Variants in ANAPC16 observed in about 807,000 individuals in gnomAD.
The protein encoded by ANAPC16 is anaphase promoting complex subunit 16.
In ANAPC16, 6 loss-of-function variants were observed where a neutral mutation model predicts 13.1. The observed-to-expected ratio is 0.46, with a 90% CI of 0.25 to 0.90. ANAPC16 has a LOEUF of 0.90. ANAPC16 is among the 40% of genes least tolerant of loss of function. ANAPC16 has a pLI of 0.18. For missense variants in ANAPC16, 113 were observed against 131.1 expected (o/e 0.86, Z 0.67); for synonymous variants, 55 against 51.3 (o/e 1.07, Z -0.31).
chr10:72,217,854 A>G (rs536033181), intron 1 of ANAPC16, among the ~76,000 whole-genome samples: 1 of 151,958 alleles, frequency 6.6e-6, no homozygotes, highest in Non-Finnish European at 1.5e-5. Flanking sequence ...GAGCACTGAC[A>G]GGATGGTCAA....
chr10:72,232,186 CAAAAAAAAA>C lies in ANAPC16; in HGVS notation c.218-796_218-788del, dbSNP rs1194817055. Among the ~76,000 whole-genome samples the C allele has an allele frequency of 2.1e-3, 93 of 43,920 alleles. 1 individual carries two copies. Among genetic ancestry groups the C allele is most frequent in the African/African-American group, 4.8e-3 (87 of 17,948 alleles). The allele number at this position is 43,920 out of a possible 152,430, so 28.8% of individuals were successfully genotyped here. ...GGGCAATAAGGGTGAAACTCTGTCT[CAAAAAAAAA>C]AAAAAAAAAAAAAAAAAATTAAGCT... On this transcript the variant is annotated intron_variant, in intron 3 of 3. Coordinates refer to ENST00000299381, the MANE Select transcript of ANAPC16 (RefSeq NM_173473.4).
intron 1 of ANAPC16, among the ~76,000 whole-genome samples, chr10:72,222,780 A>T (rs1293120161): frequency 6.6e-6 from 1 of 152,256 alleles, no homozygotes; most frequent in Non-Finnish European, 1.5e-5. Flanking sequence ...TCCGTCTCAA[A>T]AAATTAAAAA....
chr10:72,231,180 C>T (rs1860288803), intron 3 of ANAPC16, among the ~76,000 whole-genome samples: 1 of 152,192 alleles, frequency 6.6e-6, no homozygotes, highest in South Asian at 2.1e-4. Context: ...GTAATTGCCT[C>T]TAACCCTAGG....
At chr10:72,217,010 C>A (rs1564786605) in intron 1 of ANAPC16, 2 of 454,764 alleles carry the variant, frequency 4.4e-6, no homozygotes, top group South Asian at 3.1e-5. Flanking sequence ...CCTGCATGAC[C>A]TTTGCTGAGC....
At chr10:72,218,766 TAAATCTTTAGAGCTAG>T (rs1241452803) in intron 1 of ANAPC16, among the ~76,000 whole-genome samples, 1 of 152,218 alleles carries the variant, frequency 6.6e-6, no homozygotes, top group Non-Finnish European at 1.5e-5. Flanking sequence ...AAATTTAACC[TAAATCTTTAGAGCTAG>T]AAATTACTTA....
At chr10:72,218,028 T>G (rs1859634538) in intron 1 of ANAPC16, among the ~76,000 whole-genome samples, 2 of 150,694 alleles carry the variant, frequency 1.3e-5, no homozygotes, top group Non-Finnish European at 2.9e-5. Context: ...CTGTTTCCCA[T>G]TTTGCAGATA....
chr10:72,220,325 C>CAAAAAAGAAAA (rs1859861262), intron 1 of ANAPC16: 1 of 63,716 alleles, frequency 1.6e-5, no homozygotes, highest in African/African-American at 5.4e-5. Context: ...AACTCCGTCT[C>CAAAAAAGAAAA]AAAAAAAAAA....
Position 72,233,159 on chromosome 10 carries a change from C to A in ANAPC16, c.*43C>A. On this transcript the variant is annotated 3_prime_UTR_variant, in exon 4 of 4. Coordinates refer to ENST00000299381, the MANE Select transcript of ANAPC16 (RefSeq NM_173473.4). The stretch of plus-strand genomic sequence containing the variant: ...CCTCTGGTGCGCAGCAAGTGCAAAG[C>A]CAGTGGGGGACTTTCTCACAGCTTA... 1 of 1,509,788 alleles carries A rather than the reference C, an allele frequency of 6.6e-7. No individual in the cohort carries two copies. Among genetic ancestry groups the A allele is most frequent in the Non-Finnish European group, 9.2e-7 (1 of 1,088,248 alleles). The allele number at this position is 1,509,788 out of a possible 1,614,324, so 93.5% of individuals were successfully genotyped here.
At chr10:72,227,558 G>A (rs753429185) in intron 2 of ANAPC16, among the ~76,000 whole-genome samples, 1 of 151,932 alleles carries the variant, frequency 6.6e-6, no homozygotes, top group African/African-American at 2.4e-5. Context: ...TGTAGAGATG[G>A]CAACCCCTAA....
rs1860395976 is a variant in ANAPC16 at position 72,233,796 on chromosome 10, C to T, written c.*680C>T. The T allele has an allele frequency of 6.6e-6, 1 of 152,564 alleles. No homozygotes were observed. 9.5% of individuals were successfully genotyped at this position (152,564 alleles called of 1,614,324 possible). A position where few individuals can be genotyped will look rare whatever the true frequency, so the allele number is the denominator to read the frequency against. ...TTCTCATTGGTGGACTCAAGCAATT[C>T]TGTAGCAAATAAATCCTTTGAAAGA... On this transcript the variant is annotated 3_prime_UTR_variant, in exon 4 of 4. Transcript: ENST00000299381.
Position 72,233,668 on chromosome 10 carries a change from GA to G in ANAPC16, c.*553del, listed in dbSNP as rs1358908902. ...TTCTGACTTTTTCTAACCTCTTATA[GA>G]CATGCCAAATGCTGGCAAAAAGAAG... On this transcript the variant is annotated 3_prime_UTR_variant, in exon 4 of 4. Coordinates refer to ENST00000299381, the MANE Select transcript of ANAPC16 (RefSeq NM_173473.4). The G allele has an allele frequency of 1.3e-5, 2 of 152,236 alleles. No homozygotes were observed. The highest frequency in any genetic ancestry group is 1.3e-4 in the Admixed American group (2 of 15,216). The allele number at this position is 152,236 out of a possible 1,614,324, so 9.4% of individuals were successfully genotyped here.
Position 72,230,451 on chromosome 10 carries a change from G to T in ANAPC16, c.217+11G>T. The T allele has an allele frequency of 6.2e-7, 1 of 1,612,362 alleles. No individual in the cohort carries two copies. Among genetic ancestry groups the T allele is most frequent in the Non-Finnish European group, 8.5e-7 (1 of 1,178,612 alleles). On this transcript the variant is annotated intron_variant, in intron 3 of 3. Coordinates refer to ENST00000299381, the MANE Select transcript of ANAPC16 (RefSeq NM_173473.4). ...AACAGGTGAAACATGGTAAGCACAT[G>T]AGTGTTGCGTACTTGACTGTGAGAA...
At chr10:72,219,401 T>C (rs956288490) in intron 1 of ANAPC16, among the ~76,000 whole-genome samples, 9 of 152,156 alleles carry the variant, frequency 5.9e-5, no homozygotes, top group African/African-American at 2.2e-4. Flanking sequence ...TGGAAAGTTA[T>C]CAGAGCTCAG....
At chr10:72,217,990 C>T (rs1366918154) in intron 1 of ANAPC16, among the ~76,000 whole-genome samples, 1 of 150,686 alleles carries the variant, frequency 6.6e-6, no homozygotes, top group Non-Finnish European at 1.5e-5. Context: ...TTCCAAGTCC[C>T]AAGCATTTCG....
intron 1 of ANAPC16, among the ~76,000 whole-genome samples, chr10:72,219,853 T>A (rs957452700): frequency 6.6e-6 from 1 of 152,232 alleles, no homozygotes; most frequent in South Asian, 2.1e-4. Flanking sequence ...GTGTTACTTA[T>A]AGACATGTAA....
intron 1 of ANAPC16, chr10:72,223,129 C>T (rs2133670816): frequency 7.0e-6 from 1 of 143,566 alleles, no homozygotes; most frequent in Admixed American, 7.1e-5. Flanking sequence ...GCTCTGTCGC[C>T]CAGGCTCACT....
intron 2 of ANAPC16, among the ~76,000 whole-genome samples, chr10:72,227,222 T>A (rs941154134): frequency 1.3e-5 from 2 of 152,216 alleles, no homozygotes; most frequent in Non-Finnish European, 2.9e-5. Context: ...CTCAAAGCTA[T>A]CAGCATTCTT....
rs1860388819 is a variant in ANAPC16, at chr10:72,233,526, T to C, written c.*410T>C. 1 of 159,810 alleles carries C rather than the reference T, an allele frequency of 6.3e-6. No individual in the cohort carries two copies. Among genetic ancestry groups the C allele is most frequent in the Admixed American group, 6.1e-5 (1 of 16,394 alleles). 9.9% of individuals were successfully genotyped at this position (159,810 alleles called of 1,614,324 possible). ...AGCATCTGTGGTTAAAAATATAGCA[T>C]TCTGACCTAAAAAAGTTATTTTGCA... On this transcript the variant is annotated 3_prime_UTR_variant, in exon 4 of 4. Coordinates refer to ENST00000299381, the MANE Select transcript of ANAPC16 (RefSeq NM_173473.4).
chr10:72,221,808 C>T (rs1283593714), intron 1 of ANAPC16, among the ~76,000 whole-genome samples: 1 of 149,468 alleles, frequency 6.7e-6, no homozygotes, highest in African/African-American at 2.5e-5. Flanking sequence ...TGGCTTACTG[C>T]AACCACTGCC....
Sources: allele counts gnomAD v4.1 joint callset (sites outside exome capture counted in the v4.1 genomes callset), GRCh38; gene constraint gnomAD v4.1.1; transcripts MANE v1.5; gene names NCBI Gene and HGNC (gene_info 2026-07-23, HGNC 2026-07-21).